Variants in ZNF765 observed in about 807,000 individuals in gnomAD.
The protein encoded by ZNF765 is zinc finger protein 765.
ZNF765 carries 37 observed loss-of-function variants against 44.7 expected under a neutral mutation model. The ratio of observed to expected loss-of-function variants is 0.83; its 90% CI spans 0.64 to 1.09. The LOEUF (loss-of-function observed/expected upper bound fraction) is 1.09, where lower values mean the gene tolerates loss of function less well. ZNF765 is among the 50% of genes least tolerant of loss of function. The pLI is 0.00. For synonymous variants in ZNF765, 201 were observed against 213.7 expected (o/e 0.94, Z 0.52); for missense variants, 594 against 626.1 (o/e 0.95, Z 0.55).
chr19:53,414,491 C>CACCACCACCACCA, downstream of ZNF765, among the ~76,000 whole-genome samples: 1 of 15,578 alleles, frequency 6.4e-5, no homozygotes, highest in Non-Finnish European at 1.7e-4. Flanking sequence ...ACACACACAC[C>CACCACCACCACCA]CCCCCCCCCC....
intron 3 of ZNF765, 53 bp from the exon 4 acceptor site, chr19:53,407,645 A>G (rs1040696525): frequency 2.8e-5 from 38 of 1,340,306 alleles, no homozygotes; most frequent in Middle Eastern, 3.8e-4. Context: ...ACATTTCAGC[A>G]TTATTTACCA....
downstream of ZNF765, among the ~76,000 whole-genome samples, chr19:53,415,294 GAAA>G (rs2085868462): frequency 6.6e-6 from 1 of 150,802 alleles, no homozygotes. Context: ...AAAAGAAAAA[GAAA>G]AAGAAAACAT....
At position 53,410,982 on chromosome 19, in the gene ZNF765, A is replaced by G. The variant is rs1158051078; in HGVS notation, c.*1855A>G. ...GAGCTCACTCCTTGCAGGATATCAG[A>G]AAATTCATTTTGGAGATAGTTGTTC... On this transcript the variant is annotated 3_prime_UTR_variant, in exon 4 of 4. Coordinates refer to ENST00000396408, the MANE Select transcript of ZNF765 (RefSeq NM_001040185.3). 2.8e-6 allele frequency: 1 copy of G among 358,860 alleles called. No homozygotes were observed. Among genetic ancestry groups the G allele is most frequent in the East Asian group, 7.7e-5 (1 of 13,038 alleles). The allele number at this position is 358,860 out of a possible 1,614,324, so 22.2% of individuals were successfully genotyped here.
At chr19:53,406,102 C>T (rs1187541918) in intron 3 of ZNF765, among the ~76,000 whole-genome samples, 2 of 148,492 alleles carry the variant, frequency 1.3e-5, no homozygotes, top group Admixed American at 6.8e-5. Flanking sequence ...AATCTCGGCT[C>T]ACTACAACCT....
chr19:53,402,990 CAG>C (rs2085742032), intron 3 of ZNF765, among the ~76,000 whole-genome samples: 1 of 152,058 alleles, frequency 6.6e-6, no homozygotes, highest in Admixed American at 6.6e-5. Flanking sequence ...CCCTGGCCAA[CAG>C]GGTGAAACCC....
chr19:53,416,670 A>G (rs2085876857), downstream of ZNF765, among the ~76,000 whole-genome samples: 1 of 151,918 alleles, frequency 6.6e-6, no homozygotes, highest in South Asian at 2.1e-4. Context: ...TCTATTTTAC[A>G]TAGTTATATA....
chr19:53,405,696 A>C (rs1379946184), intron 3 of ZNF765, among the ~76,000 whole-genome samples: 1 of 150,808 alleles, frequency 6.6e-6, no homozygotes, highest in Non-Finnish European at 1.5e-5. Context: ...CCCCATCTGC[A>C]GAACATCCTT....
rs1010109374 is a variant in ZNF765 at position 53,402,928 on chromosome 19, G to T, written c.142+737G>T. ...ATGGTGGCTCACACCTGTAATCCCA[G>T]CACTTCGGGAGGCTGAGGTGGGTGG... On this transcript the variant is annotated intron_variant, in intron 3 of 3. Transcript: ENST00000396408. Among the ~76,000 whole-genome samples, 72 of 152,256 alleles carry T rather than the reference G, an allele frequency of 4.7e-4. 1 individual carries two copies. The highest frequency in any genetic ancestry group is 1.7e-3 in the African/African-American group (69 of 41,542).
chr19:53,422,325 G>A (rs76785119), intron 3 of ZNF765, among the ~76,000 whole-genome samples: 15,871 of 152,170 alleles, frequency 0.1, 939 homozygotes, highest in Middle Eastern at 0.22. Flanking sequence ...AACATGGTGT[G>A]AATTTACACA....
intron 3 of ZNF765, among the ~76,000 whole-genome samples, chr19:53,422,041 C>T (rs1288234052): frequency 2.6e-5 from 4 of 152,108 alleles, no homozygotes; most frequent in Admixed American, 6.6e-5. Context: ...ATACTCCAAT[C>T]AGTGTATCTA....
rs569897333 is a variant in ZNF765, at chr19:53,420,784, G to A, written c.143-2278G>A. On this transcript the variant is annotated intron_variant, in intron 3 of 3. Coordinates refer to the ZNF765 transcript ENST00000594030. ...GGCAGTATGCTTGGTAAAAGTCATCGCCATTCTCCAGTCTCGAGTACCCAG... is the reference window on the plus strand; with the variant it reads ...GGCAGTATGCTTGGTAAAAGTCATCACCATTCTCCAGTCTCGAGTACCCAG... Among the ~76,000 whole-genome samples the A allele has an allele frequency of 1.3e-3, 195 of 152,200 alleles. 4 individuals are homozygous for A. Among genetic ancestry groups the A allele is most frequent in the Middle Eastern group, 6.8e-3 (2 of 294 alleles).
chr19:53,421,581 C>G (rs1407666033), intron 3 of ZNF765, among the ~76,000 whole-genome samples: 1 of 152,122 alleles, frequency 6.6e-6, no homozygotes, highest in Non-Finnish European at 1.5e-5. Flanking sequence ...GTGGCACGAT[C>G]CCGGTTCACT....
In ZNF765 at chr19:53,409,325, A is replaced by G; in HGVS notation, c.*198A>G. 1 of 867,756 alleles carries G rather than the reference A, an allele frequency of 1.2e-6. No homozygotes were observed. The highest frequency in any genetic ancestry group is 2.0e-6 in the Non-Finnish European group (1 of 508,356). 53.8% of individuals were successfully genotyped at this position (867,756 alleles called of 1,614,324 possible). A position where few individuals can be genotyped will look rare whatever the true frequency, so the allele number is the denominator to read the frequency against. ...GTGGCAAGACCTTGAGTCATACGTC[A>G]TCTTTTGTGTACCATCATAAACTTC... On this transcript the variant is annotated 3_prime_UTR_variant, in exon 4 of 4. Transcript: ENST00000396408.
In ZNF765 at chr19:53,408,831, C is replaced by T. The variant is rs2085805142; in HGVS notation, c.1276C>T (p.Leu426Phe). 6.2e-7 allele frequency: 1 copy of T among 1,613,884 alleles called. No individual in the cohort carries two copies. Among genetic ancestry groups the T allele is most frequent in the African/African-American group, 1.3e-5 (1 of 74,932 alleles). ...CGKTFNQQLT[L>F]NICRLHSGEK... ...CAAGACCTTCAATCAGCAGTTAACCCTTAACATTTGTAGACTTCATAGTGG... is the reference window on the plus strand; with the variant it reads ...CAAGACCTTCAATCAGCAGTTAACCTTTAACATTTGTAGACTTCATAGTGG... The change falls in exon 4 of 4, where the codon CTT becomes TTT. Residue 426 changes from leucine to phenylalanine, a missense_variant. Coordinates refer to ENST00000396408, the MANE Select transcript of ZNF765 (RefSeq NM_001040185.3).
At chr19:53,402,980 C>G (rs1313073808) in intron 3 of ZNF765, among the ~76,000 whole-genome samples, 1 of 151,924 alleles carries the variant, frequency 6.6e-6, no homozygotes, top group Non-Finnish European at 1.5e-5. Flanking sequence ...ATCAAGACCA[C>G]CCTGGCCAAC....
intron 3 of ZNF765, among the ~76,000 whole-genome samples, chr19:53,402,829 G>C (rs1281490336): frequency 3.3e-5 from 5 of 151,974 alleles, no homozygotes; most frequent in African/African-American, 1.2e-4. Context: ...CGAGTAGCTG[G>C]GATTACAGGT....
At position 53,408,571 on chromosome 19, in the gene ZNF765, A is replaced by G. The variant is rs532114400; in HGVS notation, c.1016A>G (p.Lys339Arg). ...CNECGKTFSQ[K>R]SYLTCHRRLH... ...GAGTGTGGCAAGACCTTTAGTCAGAAGTCGTACCTTACATGCCATCGTAGG... is the reference window on the plus strand; with the variant it reads ...GAGTGTGGCAAGACCTTTAGTCAGAGGTCGTACCTTACATGCCATCGTAGG... Residue 339 changes from lysine (K) to arginine (R), a missense_variant, in exon 4 of 4, where the codon AAG (lysine) becomes AGG (arginine). By Grantham distance (26) the Lys-to-Arg change is conservative. Transcript: ENST00000396408. 1 of 1,613,694 alleles carries G rather than the reference A, an allele frequency of 6.2e-7. No homozygotes were observed. The highest frequency in any genetic ancestry group is 1.1e-5 in the South Asian group (1 of 91,026).
intron 3 of ZNF765, among the ~76,000 whole-genome samples, chr19:53,407,461 T>G (rs1363592893): frequency 6.6e-6 from 1 of 152,212 alleles, no homozygotes; most frequent in South Asian, 2.1e-4. Context: ...CTACACGTTT[T>G]TGTGCCCTGT....
downstream of ZNF765, among the ~76,000 whole-genome samples, chr19:53,416,360 C>T (rs1470766542): frequency 4.6e-5 from 7 of 152,032 alleles, no homozygotes; most frequent in Non-Finnish European, 8.8e-5. Flanking sequence ...GAGCCGAGAT[C>T]GCACCAATGT....
Sources: gnomAD v4.1 joint callset for allele counts (sites outside exome capture counted in the v4.1 genomes callset) on GRCh38, gnomAD v4.1.1 for gene constraint, MANE v1.5 for transcripts, NCBI Gene and HGNC (gene_info 2026-07-23, HGNC 2026-07-21) for gene names.